DNAH8: variants seen among roughly 807,000 people sequenced by gnomAD.
DNAH8 encodes the protein axonemal beta dynein heavy chain 8.
In DNAH8, 382 loss-of-function variants were observed where a neutral mutation model predicts 562.1. The observed-to-expected ratio is 0.68, with a 90% CI of 0.63 to 0.74. The LOEUF (loss-of-function observed/expected upper bound fraction) is 0.74, where lower values mean the gene tolerates loss of function less well. Ranked by LOEUF, DNAH8 falls within the 30% of genes least tolerant of loss-of-function variation. The pLI is 0.00. For missense variants in DNAH8, 5,203 were observed against 5,620.4 expected (o/e 0.93, Z 2.37); for synonymous variants, 1,881 against 1,919.4 (o/e 0.98, Z 0.52).
intron 80 of DNAH8, among the ~76,000 whole-genome samples, chr6:38,946,385 C>T (rs1761429639): frequency 6.6e-6 from 1 of 152,136 alleles, no homozygotes. Context: ...GTAGACTCTA[C>T]CTATTCAGCC....
At chr6:38,790,637 A>T (rs944334993) in intron 20 of DNAH8, among the ~76,000 whole-genome samples, 3 of 152,056 alleles carry the variant, frequency 2.0e-5, no homozygotes, top group African/African-American at 7.2e-5. Flanking sequence ...AGCCTGGCCA[A>T]CATGGTGAAA....
chr6:38,859,469 T>C (rs1033524), intron 42 of DNAH8, among the ~76,000 whole-genome samples: 28,180 of 152,168 alleles, frequency 0.19, 3,032 homozygotes, highest in Non-Finnish European at 0.23. Flanking sequence ...CTGAACATTG[T>C]ATAGTAGCCA....
In DNAH8 at chr6:39,030,465, T is replaced by G; in HGVS notation, c.*73T>G. 3 of 1,344,632 alleles carry G rather than the reference T, an allele frequency of 2.2e-6. No individual in the cohort carries two copies. The East Asian group carries it at 7.0e-5, about 31-fold the overall frequency. 83.3% of individuals were successfully genotyped at this position (1,344,632 alleles called of 1,614,324 possible). A position where few individuals can be genotyped will look rare whatever the true frequency, so the allele number is the denominator to read the frequency against. On this transcript the variant is annotated 3_prime_UTR_variant, in exon 93 of 93. Coordinates refer to ENST00000327475, the MANE Select transcript of DNAH8 (RefSeq NM_001206927.2). ...TGCTATTGAGGGACTCAGTGATGTG[T>G]GTGTCTTTTCTCCCCAGTAATTCCT...
chr6:39,014,058 A>C (rs1471068417), intron 91 of DNAH8, among the ~76,000 whole-genome samples: 1 of 152,166 alleles, frequency 6.6e-6, no homozygotes, highest in Non-Finnish European at 1.5e-5. Context: ...ATACATGAAA[A>C]ATATGTATTT....
intron 26 of DNAH8, among the ~76,000 whole-genome samples, chr6:38,816,201 A>T (rs1020923149): frequency 3.3e-5 from 5 of 152,062 alleles, no homozygotes; most frequent in South Asian, 2.1e-4. Flanking sequence ...GCAAGCATGC[A>T]TTAGCTATTT....
intron 8 of DNAH8, among the ~76,000 whole-genome samples, chr6:38,749,918 C>T (rs556766120): frequency 9.2e-5 from 14 of 152,168 alleles, no homozygotes; most frequent in Non-Finnish European, 1.3e-4. Context: ...CTGCAAGCTC[C>T]GCCTCCCGGG....
intron 30 of DNAH8, among the ~76,000 whole-genome samples, chr6:38,830,592 G>C (rs902381987): frequency 1.5e-5 from 2 of 135,652 alleles, no homozygotes; most frequent in Non-Finnish European, 3.0e-5. Context: ...CCGAGATCGC[G>C]CCACTGCACT....
At chr6:38,962,390 A>C (rs1197713723) in intron 82 of DNAH8, among the ~76,000 whole-genome samples, 1 of 152,176 alleles carries the variant, frequency 6.6e-6, no homozygotes, top group Non-Finnish European at 1.5e-5. Context: ...CCAGATTTTT[A>C]AAACATTATC....
intron 31 of DNAH8, 47 bp from the exon 32 acceptor site, chr6:38,834,532 A>G (rs1774118861): frequency 6.8e-6 from 9 of 1,324,922 alleles, no homozygotes; most frequent in Admixed American, 2.2e-5. Context: ...AAACTGACAA[A>G]TACATATGAT....
intron 88 of DNAH8, among the ~76,000 whole-genome samples, chr6:39,005,317 G>A (rs909596216): frequency 6.6e-6 from 1 of 152,160 alleles, no homozygotes; most frequent in Non-Finnish European, 1.5e-5. Flanking sequence ...GGAGGCTGAG[G>A]CACAAGAATT....
intron 32 of DNAH8, among the ~76,000 whole-genome samples, chr6:38,837,445 A>C (rs1774390387): frequency 6.6e-6 from 1 of 152,250 alleles, no homozygotes; most frequent in Admixed American, 6.5e-5. Flanking sequence ...AGACATGTGC[A>C]TTAACTTTGG....
At chr6:38,964,607 T>C (rs2150673742) in intron 82 of DNAH8, among the ~76,000 whole-genome samples, 1 of 151,924 alleles carries the variant, frequency 6.6e-6, no homozygotes, top group South Asian at 2.1e-4. Context: ...TTTATAATAC[T>C]GAAAAATCAA....
chr6:38,897,844 A>G (rs1779805525), intron 60 of DNAH8, among the ~76,000 whole-genome samples: 1 of 152,202 alleles, frequency 6.6e-6, no homozygotes, highest in African/African-American at 2.4e-5. Context: ...ACAATTTGCA[A>G]AACAAAGAAA....
rs752090384 is a variant in DNAH8, at chr6:38,883,859, C to T, written c.8137-17C>T. The T allele has an allele frequency of 2.2e-5, 33 of 1,531,486 alleles. No individual in the cohort carries two copies. Among genetic ancestry groups the T allele is most frequent in the Middle Eastern group, 1.7e-4 (1 of 5,798 alleles). 94.9% of individuals were successfully genotyped at this position (1,531,486 alleles called of 1,614,324 possible). On this transcript the variant is annotated splice_polypyrimidine_tract_variant and intron_variant, in intron 55 of 92. Transcript: ENST00000327475. Reference sequence around the variant, plus strand: ...TTAAAATCTAATGCATAAGACAAAACGTTTCCTTCTCTCTAGAGAACAATT... The same window carrying T: ...TTAAAATCTAATGCATAAGACAAAATGTTTCCTTCTCTCTAGAGAACAATT...
intron 9 of DNAH8, among the ~76,000 whole-genome samples, chr6:38,753,739 TG>T (rs1359867148): frequency 2.6e-5 from 4 of 152,346 alleles, no homozygotes; most frequent in African/African-American, 7.2e-5. Context: ...TTAGTTCTGA[TG>T]TTTTTTTCAT....
chr6:38,881,496 G>C (rs1194107272), intron 53 of DNAH8, among the ~76,000 whole-genome samples: 1 of 151,856 alleles, frequency 6.6e-6, no homozygotes, highest in African/African-American at 2.4e-5. Flanking sequence ...AGTACCACAG[G>C]TTGTAAGGAA....
chr6:38,956,143 C>G (rs1762227169), intron 82 of DNAH8, among the ~76,000 whole-genome samples: 1 of 152,236 alleles, frequency 6.6e-6, no homozygotes, highest in South Asian at 2.1e-4. Flanking sequence ...TCAGAGCTAA[C>G]TGTGCAAGAG....
At chr6:39,014,837 G>C (rs1354268044) in intron 91 of DNAH8, among the ~76,000 whole-genome samples, 2 of 152,106 alleles carry the variant, frequency 1.3e-5, no homozygotes, top group African/African-American at 2.4e-5. Context: ...TCAGGGGTTG[G>C]GGCTGTATAT....
chr6:38,763,732 G>A (rs977649590), intron 11 of DNAH8: 1 of 158,136 alleles, frequency 6.3e-6, no homozygotes, highest in African/African-American at 2.4e-5. Flanking sequence ...GCTTGAGCCT[G>A]GGAGGCTGAG....
Sources: allele counts gnomAD v4.1 joint callset (sites outside exome capture counted in the v4.1 genomes callset), GRCh38; gene constraint gnomAD v4.1.1; transcripts MANE v1.5; gene names NCBI Gene and HGNC (gene_info 2026-07-23, HGNC 2026-07-21).